The following ETS1 variants were observed in gnomAD, a reference collection of about 807,000 sequenced individuals.
ETS1 encodes the protein protein C-ets-1.
Under a neutral mutation model 58.6 loss-of-function variants are expected in ETS1, and 15 were observed. That is an observed-to-expected ratio of 0.26 (90% CI 0.17 to 0.39). ETS1 has a LOEUF of 0.39. Among genes scored for constraint, ETS1 ranks in the 10% least tolerant of loss-of-function variants. The pLI is 1.00. For synonymous variants in ETS1, 214 were observed against 218.2 expected, an observed-to-expected ratio of 0.98 and a Z score of 0.17; for missense variants, 417 against 610.5, an observed-to-expected ratio of 0.68 and a Z score of 3.34.
intron 8 of ETS1, among the ~76,000 whole-genome samples, chr11:128,467,807 C>T (rs889792352): frequency 4.1e-4 from 63 of 152,032 alleles, no homozygotes; most frequent in African/African-American, 1.3e-3. Flanking sequence ...CTTCTCAAGT[C>T]GAAGCTCTGA....
At chr11:128,535,489 G>A (rs2135536273) in intron 3 of ETS1, among the ~76,000 whole-genome samples, 1 of 152,278 alleles carries the variant, frequency 6.6e-6, no homozygotes, top group Admixed American at 6.5e-5. Context: ...TTTTTGTCAT[G>A]AAATCTTTGC....
rs567976842 is a variant in ETS1, at chr11:128,501,654, T to A, written c.215-11078A>T. Among the ~76,000 whole-genome samples the A allele has an allele frequency of 3.7e-4, 56 of 152,286 alleles. 2 individuals carry two copies. The South Asian group carries it at 0.011, about 30-fold the overall frequency. ...TGAAAAGGCAACCAGCAAGTACTGA[T>A]CCCCATAACATAACATCAGAGACCA... On this transcript the variant is annotated intron_variant, in intron 3 of 9. Transcript: ENST00000392668.
intron 3 of ETS1, among the ~76,000 whole-genome samples, chr11:128,516,301 C>T (rs1433481456): frequency 6.6e-6 from 1 of 152,154 alleles, no homozygotes; most frequent in Non-Finnish European, 1.5e-5. Flanking sequence ...TTGGGAATAG[C>T]CTTGACATTC....
chr11:128,577,824 C>T (rs1249468603), intron 1 of ETS1, among the ~76,000 whole-genome samples: 1 of 148,692 alleles, frequency 6.7e-6, no homozygotes, highest in South Asian at 2.1e-4. Flanking sequence ...TGCATTTATG[C>T]AATAAACGTG....
At chr11:128,514,492 T>C (rs1863472020) in intron 3 of ETS1, among the ~76,000 whole-genome samples, 1 of 152,214 alleles carries the variant, frequency 6.6e-6, no homozygotes, top group Non-Finnish European at 1.5e-5. Flanking sequence ...AAAATAATCC[T>C]TTCCCTGTTC....
intron 3 of ETS1, among the ~76,000 whole-genome samples, chr11:128,525,569 C>T (rs1309942951): frequency 7.2e-6 from 1 of 138,222 alleles, no homozygotes; most frequent in Non-Finnish European, 1.5e-5. Flanking sequence ...TGATCCAGAA[C>T]CAGTTTATGA....
chr11:128,576,215 TTTA>T lies in ETS1; in HGVS notation c.-14-3074_-14-3072del, dbSNP rs1864744737. ...CTCTTGGACAGAAATGGATTGCTGC[TTTA>T]TTATTTTTTTGGAGAAAGAAAAAAA... is the stretch of plus-strand genomic sequence containing the variant. On this transcript the variant is annotated intron_variant, in intron 1 of 9. Transcript: ENST00000392668. Among the ~76,000 whole-genome samples the T allele has an allele frequency of 2.0e-5, 3 of 152,344 alleles. No homozygotes were observed. In the South Asian group the frequency reaches 6.2e-4, roughly 32 times the overall value.
Position 128,549,257 on chromosome 11 carries a change from G to C in ETS1, c.214+7034C>G, listed in dbSNP as rs898639353. 8.5e-5 allele frequency among the ~76,000 whole-genome samples: 11 copies of C among 129,662 alleles called. No individual in the cohort carries two copies. The highest frequency in any genetic ancestry group is 1.8e-4 in the Non-Finnish European group (11 of 61,248). 85.1% of individuals were successfully genotyped at this position (129,662 alleles called of 152,430 possible). A position where few individuals can be genotyped will look rare whatever the true frequency, so the allele number is the denominator to read the frequency against. On this transcript the variant is annotated intron_variant, in intron 3 of 9. Coordinates refer to ENST00000392668, the MANE Select transcript of ETS1 (RefSeq NM_001143820.2). The surrounding 1 kb of genome is among the most constrained non-coding windows in gnomAD (Gnocchi z 4.3). The stretch of plus-strand genomic sequence containing the variant: ...GCCCGCCCCCACCCTCCACTCTCAC[G>C]CGCCCCTCGCCCCTCGCCCCTCGCC...
chr11:128,486,943 G>A lies in ETS1; in HGVS notation c.536-797C>T, dbSNP rs148816926. On this transcript the variant is annotated intron_variant, in intron 5 of 9. Coordinates refer to ENST00000392668, the MANE Select transcript of ETS1 (RefSeq NM_001143820.2). ...TATTTCACCATAAGAATCTGACATA[G>A]AGTATGGGTTTGGGTTTTTCCTCAG... Among the ~76,000 whole-genome samples the A allele has an allele frequency of 1.4e-4, 22 of 152,334 alleles. No homozygotes were observed. The East Asian group carries it at 4.2e-3, about 29-fold the overall frequency.
At chr11:128,528,280 T>A (rs1318489230) in intron 3 of ETS1, among the ~76,000 whole-genome samples, 1 of 152,180 alleles carries the variant, frequency 6.6e-6, no homozygotes, top group African/African-American at 2.4e-5. Context: ...GAGGTCCTCA[T>A]GCTGGAAGAG....
At chr11:128,511,136 TTG>T (rs1411327251) in intron 3 of ETS1, among the ~76,000 whole-genome samples, 1 of 152,172 alleles carries the variant, frequency 6.6e-6, no homozygotes, top group Non-Finnish European at 1.5e-5. Flanking sequence ...AATTTTTTCA[TTG>T]TGTTTTGTGT....
chr11:128,522,316 C>CG, intron 3 of ETS1: 1 of 1,059,424 alleles, frequency 9.4e-7, no homozygotes, highest in Non-Finnish European at 1.1e-6. Flanking sequence ...ATCTCCCGGC[C>CG]GCTCTCCCTC....
chr11:128,501,022 C>A lies in ETS1; in HGVS notation c.215-10446G>T, dbSNP rs958960338. 2.0e-5 allele frequency among the ~76,000 whole-genome samples: 3 copies of A among 152,158 alleles called. No homozygotes were observed. In the East Asian group the frequency reaches 5.8e-4, roughly 29 times the overall value. On this transcript the variant is annotated intron_variant, in intron 3 of 9. Transcript: ENST00000392668. ...CCTTCTTATGAATTCTATCAATAGG[C>A]CCTTGCTTTGCTTGTTGAGAGATCA...
intron 8 of ETS1, among the ~76,000 whole-genome samples, chr11:128,465,888 C>A (rs779443784): frequency 1.3e-5 from 2 of 152,228 alleles, no homozygotes; most frequent in Non-Finnish European, 2.9e-5. Flanking sequence ...TGACACACTG[C>A]AAGGCCATTT....
At chr11:128,583,204 C>T (rs576022800) in intron 1 of ETS1, among the ~76,000 whole-genome samples, 2 of 152,244 alleles carry the variant, frequency 1.3e-5, no homozygotes, top group East Asian at 3.9e-4. Flanking sequence ...GTGATTATAA[C>T]AAGGTAGGTG....
At chr11:128,498,196 C>T (rs985624159) in intron 3 of ETS1, among the ~76,000 whole-genome samples, 6 of 151,934 alleles carry the variant, frequency 3.9e-5, no homozygotes, top group African/African-American at 1.5e-4. Flanking sequence ...AGTAGGTGCT[C>T]AACAAATCAT....
Position 128,464,310 on chromosome 11 carries a change from G to A in ETS1, c.1124-683C>T, listed in dbSNP as rs921016315. The stretch of plus-strand genomic sequence containing the variant: ...CCCAGAAAATCCTCAGGGGTCAGAT[G>A]AGGACTGTCAGAAATTCTGCATAGG... On this transcript the variant is annotated intron_variant, in intron 8 of 9. Coordinates refer to ENST00000392668, the MANE Select transcript of ETS1 (RefSeq NM_001143820.2). This position sits in a 1 kb window ranked among gnomAD's most constrained non-coding sequence, Gnocchi z 4.1. Among the ~76,000 whole-genome samples, 2 of 149,708 alleles carry A rather than the reference G, an allele frequency of 1.3e-5. No individual in the cohort carries two copies. The highest frequency in any genetic ancestry group is 2.5e-5 in the African/African-American group (1 of 40,514).
At chr11:128,570,898 G>T (rs1864613168) in intron 2 of ETS1, among the ~76,000 whole-genome samples, 1 of 152,132 alleles carries the variant, frequency 6.6e-6, no homozygotes, top group Admixed American at 6.5e-5. Context: ...GTAGTGGAGT[G>T]TTGGGGAGTG....
intron 3 of ETS1, among the ~76,000 whole-genome samples, chr11:128,548,807 A>G (rs139040867): frequency 2.4e-3 from 371 of 152,304 alleles, no homozygotes; most frequent in Non-Finnish European, 2.9e-3. Context: ...CGCCGGGGTT[A>G]ACCCTCCCGC....
Sources: gnomAD v4.1 joint callset for allele counts (sites outside exome capture counted in the v4.1 genomes callset) on GRCh38, gnomAD v4.1.1 for gene constraint, Gnocchi (gnomAD v3.1) non-coding constraint, MANE v1.5 for transcripts, NCBI Gene and HGNC (gene_info 2026-07-23, HGNC 2026-07-21) for gene names.